NEK1: variants seen among roughly 807,000 people sequenced by gnomAD.
NEK1 encodes serine/threonine-protein kinase Nek1.
NEK1 carries 137 observed loss-of-function variants against 182.1 expected under a neutral mutation model. The observed-to-expected ratio is 0.75, with a 90% CI of 0.65 to 0.87. The LOEUF (loss-of-function observed/expected upper bound fraction) is 0.87. NEK1 is among the 40% of genes least tolerant of loss of function. The pLI is 0.00. For missense variants in NEK1, 1,391 were observed against 1,494.4 expected (o/e 0.93, Z 1.14); for synonymous variants, 513 against 492.2 (o/e 1.04, Z -0.56).
intron 31 of NEK1, among the ~76,000 whole-genome samples, chr4:169,421,103 A>G (rs1442579459): frequency 6.6e-6 from 1 of 152,202 alleles, no homozygotes; most frequent in East Asian, 1.9e-4. Flanking sequence ...TGATATGACC[A>G]GTGATAAAAG....
chr4:169,596,485 T>C (rs944752469), intron 5 of NEK1, among the ~76,000 whole-genome samples: 10 of 152,126 alleles, frequency 6.6e-5, no homozygotes, highest in Non-Finnish European at 1.2e-4. Context: ...CTTTAAAATA[T>C]CTATGTAGAG....
At chr4:169,566,257 G>A (rs1353108978) in intron 12 of NEK1, among the ~76,000 whole-genome samples, 1 of 152,110 alleles carries the variant, frequency 6.6e-6, no homozygotes, top group Non-Finnish European at 1.5e-5. Context: ...GTTACATAAA[G>A]GCCAAGATTG....
At chr4:169,507,010 G>T in intron 23 of NEK1, 27 bp downstream of exon 23, 1 of 1,489,790 alleles carries the variant, frequency 6.7e-7, no homozygotes, top group Non-Finnish European at 9.3e-7. Context: ...AATACAACCA[G>T]GATTAAGAAT....
intron 19 of NEK1, among the ~76,000 whole-genome samples, chr4:169,527,158 G>T (rs1757008724): frequency 6.6e-6 from 1 of 152,158 alleles, no homozygotes; most frequent in African/African-American, 2.4e-5. Flanking sequence ...TAGAAAGCCA[G>T]AAAGTAACAT....
At chr4:169,606,310 A>G (rs1008863613) in intron 2 of NEK1, among the ~76,000 whole-genome samples, 1 of 150,704 alleles carries the variant, frequency 6.6e-6, no homozygotes, top group African/African-American at 2.4e-5. Flanking sequence ...CCTGAGGAAC[A>G]TGACTTTAAA....
intron 18 of NEK1, among the ~76,000 whole-genome samples, chr4:169,541,370 A>T (rs1759383074): frequency 6.6e-6 from 1 of 152,184 alleles, no homozygotes; most frequent in Non-Finnish European, 1.5e-5. Flanking sequence ...TTTCAACAGT[A>T]CATGGCTTGA....
In NEK1 at chr4:169,477,123, C is replaced by T. The variant is rs2149548618; in HGVS notation, c.2434+1G>A. 2 of 1,576,964 alleles carry T rather than the reference C, an allele frequency of 1.3e-6. No individual in the cohort carries two copies. The highest frequency in any genetic ancestry group is 1.7e-6 in the Non-Finnish European group (2 of 1,156,372). On this transcript the variant is annotated splice_donor_variant, in intron 26 of 35. Transcript: ENST00000507142. LOFTEE classifies it high-confidence loss of function. ...GGATATTAATATACTACTATACATA[C>T]TTTCAGTTGTAGAGAAGGATGTATC...
intron 27 of NEK1, among the ~76,000 whole-genome samples, chr4:169,441,679 T>C (rs749282411): frequency 1.1e-4 from 16 of 152,186 alleles, no homozygotes; most frequent in Non-Finnish European, 2.1e-4. Flanking sequence ...AGGGATCAAT[T>C]TGCCATGCCT....
At position 169,537,902 on chromosome 4, in the gene NEK1, C is replaced by A; in HGVS notation, c.1572G>T (p.Gly524=). 1 of 1,599,010 alleles carries A rather than the reference C, an allele frequency of 6.3e-7. No individual in the cohort carries two copies. Among genetic ancestry groups the A allele is most frequent in the Non-Finnish European group, 8.5e-7 (1 of 1,171,672 alleles). The part of the protein sequence containing the change: ...SKQANANRQK[G]QLAVERAKQV... ...GTTTAGCTCTTTCTACAGCTAGCTG[C>A]CCTTTTTGCCTAATTTGGACAAATC... The change falls in exon 19 of 36, where the codon GGG becomes GGT. Residue 524 remains glycine, a synonymous_variant. Transcript: ENST00000507142.
chr4:169,452,715 T>C (rs531559633), intron 27 of NEK1, among the ~76,000 whole-genome samples: 68 of 152,176 alleles, frequency 4.5e-4, no homozygotes, highest in Admixed American at 5.2e-4. Context: ...TCATACTGAA[T>C]GGGCAAAAAC....
chr4:169,586,890 T>C (rs1767630712), intron 9 of NEK1, among the ~76,000 whole-genome samples: 1 of 151,998 alleles, frequency 6.6e-6, no homozygotes, highest in Non-Finnish European at 1.5e-5. Flanking sequence ...AGGTAGTCAA[T>C]ACTGGCTGGA....
intron 12 of NEK1, among the ~76,000 whole-genome samples, chr4:169,576,030 CTT>C (rs1257436340): frequency 6.6e-6 from 1 of 151,590 alleles, no homozygotes; most frequent in Admixed American, 6.6e-5. Context: ...GTGGCGCACT[CTT>C]TGGCTCACTG....
chr4:169,602,425 C>CTT (rs74673353), intron 3 of NEK1, 89 bp downstream of exon 3: 297 of 623,352 alleles, frequency 4.8e-4, no homozygotes, highest in South Asian at 8.3e-4. Flanking sequence ...TTATCGATTA[C>CTT]TTTTTTTTTT....
At chr4:169,542,551 G>A (rs1759636797) in intron 18 of NEK1, among the ~76,000 whole-genome samples, 1 of 152,144 alleles carries the variant, frequency 6.6e-6, no homozygotes. Flanking sequence ...GGCATTTCTA[G>A]TTCTAGATCC....
chr4:169,463,620 C>T (rs1744387336), intron 26 of NEK1, among the ~76,000 whole-genome samples: 1 of 151,990 alleles, frequency 6.6e-6, no homozygotes, highest in Non-Finnish European at 1.5e-5. Context: ...GAATTAAATT[C>T]TAGTTTTGGG....
intron 23 of NEK1, among the ~76,000 whole-genome samples, chr4:169,504,774 A>G (rs1183425483): frequency 3.9e-5 from 6 of 152,202 alleles, no homozygotes; most frequent in Admixed American, 1.3e-4. Flanking sequence ...ATGGGTACAA[A>G]AATTAGATAA....
intron 21 of NEK1, 99 bp downstream of exon 21, chr4:169,508,149 T>TTTG: frequency 9.8e-7 from 1 of 1,023,260 alleles, no homozygotes; most frequent in African/African-American, 1.7e-5. Context: ...CGTCATCAGT[T>TTTG]TTGTTGTTGT....
chr4:169,537,810 A>G lies in NEK1; in HGVS notation c.1664T>C (p.Met555Thr), dbSNP rs1334367644. Residue 555 changes from methionine to threonine, a missense_variant and splice_region_variant, in exon 19 of 36, where the codon ATG becomes ACG. Around this residue, in one of 5 missense-constraint regions of NEK1, gnomAD observed 1,216 missense variants for 1,277.6 expected, o/e 0.95. Transcript: ENST00000507142. ...CTCAGAAACAAACAAAATTCATACC[A>G]TATGTCCTTCGGCTCGAGCTTTATT... ...MQNKARAEGHMGILQNLAAMY... is the reference protein window; with the variant it reads ...MQNKARAEGHTGILQNLAAMY... The G allele has an allele frequency of 1.2e-5, 20 of 1,610,136 alleles. No individual in the cohort carries two copies. Among genetic ancestry groups the G allele is most frequent in the Non-Finnish European group, 1.6e-5 (19 of 1,176,678 alleles).
chr4:169,536,690 T>C (rs1006163059), intron 19 of NEK1, among the ~76,000 whole-genome samples: 2 of 150,880 alleles, frequency 1.3e-5, no homozygotes, highest in African/African-American at 4.9e-5. Flanking sequence ...GGGGGAATAG[T>C]AAGACATAAG....
Sources: allele counts gnomAD v4.1 joint callset (sites outside exome capture counted in the v4.1 genomes callset), GRCh38; gene constraint gnomAD v4.1.1; regional missense constraint gnomAD v4.1.1; transcripts MANE v1.5; gene names NCBI Gene and HGNC (gene_info 2026-07-23, HGNC 2026-07-21).